Variants in PTOV1 observed in about 807,000 individuals in gnomAD.
The protein encoded by PTOV1 is prostate tumor-overexpressed gene 1 protein.
PTOV1 carries 20 observed loss-of-function variants against 58.0 expected under a neutral mutation model. That is an observed-to-expected ratio of 0.34 (90% confidence interval 0.24 to 0.50). The LOEUF is 0.50. PTOV1 is among the 20% of genes least tolerant of loss of function. PTOV1 has a pLI of 0.98. For synonymous variants in PTOV1, 335 were observed against 234.2 expected, an observed-to-expected ratio of 1.43 and a Z score of -3.93; for missense variants, 593 against 565.4, an observed-to-expected ratio of 1.05 and a Z score of -0.50.
At chr19:49,858,438 G>C in intron 9 of PTOV1, 111 bp from the exon 10 acceptor site, 2 of 826,352 alleles carry the variant, frequency 2.4e-6, no homozygotes, top group South Asian at 3.2e-5. Context: ...CTGAGGTAGG[G>C]AGGACAGGGG....
intron 1 of PTOV1, 90 bp downstream of exon 1, chr19:49,851,589 C>T: frequency 3.9e-6 from 4 of 1,025,198 alleles, no homozygotes; most frequent in South Asian, 4.8e-5. Flanking sequence ...CAGCCCCCGC[C>T]GCTCCGGGGT....
exon 12 of PTOV1, chr19:49,860,369 C>T (rs369014572): frequency 3.1e-5 from 44 of 1,430,766 alleles, no homozygotes; most frequent in Middle Eastern, 2.4e-4. Flanking sequence ...ACAGGAGGGA[C>T]CCTGGGGCAT....
chr19:49,854,878 A>G, exon 4 of PTOV1: 1 of 1,612,926 alleles, frequency 6.2e-7, no homozygotes, highest in Non-Finnish European at 8.5e-7. Flanking sequence ...CTGATCCCTC[A>G]GCAGCTGCTG....
intron 1 of PTOV1, chr19:49,852,370 C>T (rs2074288068): frequency 6.6e-6 from 1 of 152,372 alleles, no homozygotes; most frequent in South Asian, 2.1e-4. Context: ...CCCTTCACTC[C>T]ACTGCCTTCG....
exon 12 of PTOV1, chr19:49,860,361 A>T: frequency 1.4e-6 from 1 of 697,138 alleles, no homozygotes. Context: ...TGTCATGTAC[A>T]GGAGGGACCC....
intron 5 of PTOV1, chr19:49,855,432 G>C: frequency 3.1e-6 from 1 of 318,616 alleles, no homozygotes; most frequent in Non-Finnish European, 6.1e-6. Flanking sequence ...AGGCACAAGA[G>C]CCAGCCAGGA....
At chr19:49,854,683 A>G in exon 3 of PTOV1, 1 of 1,613,394 alleles carries the variant, frequency 6.2e-7, no homozygotes, top group Non-Finnish European at 8.5e-7. Context: ...TCCACTGCAA[A>G]GCTGAAGCGG....
At chr19:49,851,555 A>T (rs528262253) in intron 1 of PTOV1, 56 bp downstream of exon 1, 1 of 980,274 alleles carries the variant, frequency 1.0e-6, no homozygotes, top group Non-Finnish European at 1.3e-6. Flanking sequence ...CCCAGCCCCT[A>T]TCCCGGGCTC....
At chr19:49,860,690 A>G in exon 12 of PTOV1, 1 of 366,218 alleles carries the variant, frequency 2.7e-6, no homozygotes. Context: ...TGAGGCCTCC[A>G]AGGACGGTCC....
exon 11 of PTOV1, chr19:49,860,151 C>T (rs139642114): frequency 2.1e-5 from 34 of 1,614,066 alleles, no homozygotes; most frequent in Admixed American, 3.3e-5. Flanking sequence ...GGTCCTGCAG[C>T]GGAACCTGGA....
intron 10 of PTOV1, 123 bp downstream of exon 10, chr19:49,858,776 G>C (rs1296141025): frequency 3.6e-6 from 3 of 823,384 alleles, no homozygotes; most frequent in Non-Finnish European, 5.9e-6. Context: ...GGGAGAGAGG[G>C]TGGCTAGTGT....
intron 1 of PTOV1, among the ~76,000 whole-genome samples, chr19:49,853,558 A>G (rs2074340800): frequency 6.6e-6 from 1 of 151,772 alleles, no homozygotes; most frequent in Admixed American, 6.6e-5. Context: ...GCGAGGTTGC[A>G]GTGAGCTGAG....
intron 1 of PTOV1, 49 bp from the exon 2 acceptor site, chr19:49,854,357 T>C (rs760000749): frequency 6.3e-7 from 1 of 1,575,378 alleles, no homozygotes; most frequent in East Asian, 2.3e-5. Context: ...CTGCCTGTCC[T>C]TGCAGGCCCC....
At chr19:49,854,726 C>G in exon 3 of PTOV1, 1 of 1,613,500 alleles carries the variant, frequency 6.2e-7, no homozygotes, top group Non-Finnish European at 8.5e-7. Context: ...TGAACCAAGG[C>G]GAGAACCTGT....
At position 49,858,590 on chromosome 19, in the gene PTOV1, G is replaced by A. The variant is rs571378275; in HGVS notation, c.978G>A (p.Gln326=). ...TGTTCCGGAACTCGCGCCTGGTCCAGTTCCACTTCACCAAGGACCTGGAGA... is the reference window on the plus strand; with the variant it reads ...TGTTCCGGAACTCGCGCCTGGTCCAATTCCACTTCACCAAGGACCTGGAGA... Residue 326 remains glutamine (Q), a synonymous_variant, in exon 10 of 12, where the codon CAG becomes CAA. Transcript: ENST00000391842. The A allele has an allele frequency of 1.1e-4, 182 of 1,606,568 alleles. No homozygotes were observed. The East Asian group carries it at 3.9e-3, about 34-fold the overall frequency.
chr19:49,859,592 C>A (rs924486514), intron 10 of PTOV1, among the ~76,000 whole-genome samples: 2 of 151,818 alleles, frequency 1.3e-5, no homozygotes, highest in East Asian at 3.9e-4. Context: ...AAAAAAGTTT[C>A]CTCAAGGAAA....
At chr19:49,854,667 T>C in exon 3 of PTOV1, 9 of 1,613,468 alleles carry the variant, frequency 5.6e-6, no homozygotes, top group Non-Finnish European at 7.6e-6. Flanking sequence ...CAGACCCTAC[T>C]CTGACTCCAC....
At chr19:49,851,754 C>A (rs993030636) in intron 1 of PTOV1, 7 of 1,091,876 alleles carry the variant, frequency 6.4e-6, no homozygotes, top group African/African-American at 1.7e-5. Context: ...CTGCTGACTC[C>A]GCGGCCCGAT....
intron 1 of PTOV1, chr19:49,852,107 G>A: frequency 2.0e-6 from 2 of 979,666 alleles, no homozygotes; most frequent in Non-Finnish European, 2.4e-6. Flanking sequence ...CCCAAAAGAT[G>A]CACATGCTTT....
Sources: allele counts gnomAD v4.1 joint callset (sites outside exome capture counted in the v4.1 genomes callset), GRCh38; gene constraint gnomAD v4.1.1; transcripts MANE v1.5; gene names NCBI Gene and HGNC (gene_info 2026-07-23, HGNC 2026-07-21).